The following LNPK variants were observed in gnomAD, a reference collection of about 807,000 sequenced individuals.
LNPK encodes endoplasmic reticulum junction formation protein lunapark.
Under a neutral mutation model 55.2 loss-of-function variants are expected in LNPK, and 29 were observed. The observed-to-expected ratio is 0.53, with a 90% CI of 0.39 to 0.72. The LOEUF (loss-of-function observed/expected upper bound fraction) is 0.72. Ranked by LOEUF, LNPK falls within the 30% of genes least tolerant of loss-of-function variation. The probability of loss-of-function intolerance (pLI) is 0.00; values close to 1 mark genes in which losing one functional copy is unlikely to be tolerated. For missense variants in LNPK, 467 were observed against 494.8 expected (o/e 0.94, Z 0.53); for synonymous variants, 162 against 168.2 (o/e 0.96, Z 0.29).
At chr2:175,989,440 A>G (rs552989186) in intron 4 of LNPK, among the ~76,000 whole-genome samples, 2 of 152,292 alleles carry the variant, frequency 1.3e-5, no homozygotes, top group East Asian at 3.9e-4. Context: ...AAATGTCTAG[A>G]AAGTTATAAT....
intron 5 of LNPK, among the ~76,000 whole-genome samples, chr2:175,975,004 TTTC>T (rs1306573797): frequency 2.7e-4 from 35 of 128,014 alleles, no homozygotes; most frequent in Admixed American, 4.1e-4. Context: ...TTGAAAAAGG[TTTC>T]TTATTTTTTT....
At chr2:175,943,726 C>T (rs1316818819) in intron 9 of LNPK, among the ~76,000 whole-genome samples, 1 of 151,972 alleles carries the variant, frequency 6.6e-6, no homozygotes, top group Non-Finnish European at 1.5e-5. Flanking sequence ...CAATCTATTA[C>T]TGATTTAAAA....
chr2:175,985,920 T>C (rs1015398747), intron 4 of LNPK, among the ~76,000 whole-genome samples: 1 of 152,212 alleles, frequency 6.6e-6, no homozygotes, highest in East Asian at 1.9e-4. Flanking sequence ...CATATAGATG[T>C]TACCATTGGG....
chr2:175,962,377 C>G (rs1574854467), intron 8 of LNPK, among the ~76,000 whole-genome samples: 1 of 152,116 alleles, frequency 6.6e-6, no homozygotes, highest in South Asian at 2.1e-4. Flanking sequence ...TGGAACAGAA[C>G]AGAGGCCTCA....
chr2:175,933,777 G>A (rs1354008704), intron 12 of LNPK, among the ~76,000 whole-genome samples: 3 of 120,046 alleles, frequency 2.5e-5, no homozygotes, highest in African/African-American at 9.7e-5. Context: ...TGTCACCCAC[G>A]CTGGAGTGCA....
chr2:175,992,352 A>C lies in LNPK; in HGVS notation c.136T>G (p.Leu46Val). Residue 46 changes from leucine (L) to valine (V), a missense_variant, in exon 4 of 13, where the codon TTA becomes GTA. Leu to Val is a conservative substitution (Grantham distance 32). Transcript: ENST00000272748. ...TAGAGAACTGAGGAATACAGAATTA[A>C]TCTTCCAACCCATAATTTTTGTAAT... is the stretch of plus-strand genomic sequence containing the variant. ...QRLQKLWVGR[L>V]ILYSSVLYLF... is the part of the protein sequence containing the mutation. 12 of 1,543,002 alleles carry C rather than the reference A, an allele frequency of 7.8e-6. No individual in the cohort carries two copies. The highest frequency in any genetic ancestry group is 1.0e-5 in the Non-Finnish European group (12 of 1,150,950).
At chr2:175,944,859 T>G (rs1685042288) in intron 9 of LNPK, among the ~76,000 whole-genome samples, 1 of 152,120 alleles carries the variant, frequency 6.6e-6, no homozygotes, top group South Asian at 2.1e-4. Context: ...GGGCAACTGA[T>G]GTCAAAATTA....
intron 10 of LNPK, 112 bp from the exon 11 acceptor site, chr2:175,938,495 A>G (rs533078039): frequency 2.0e-5 from 10 of 509,066 alleles, no homozygotes; most frequent in Admixed American, 1.2e-4. Context: ...TAAATATGCC[A>G]TAACAAATTA....
chr2:176,001,994 G>A (rs560629262), intron 1 of LNPK, among the ~76,000 whole-genome samples, 166 bp downstream of exon 1: 312 of 152,356 alleles, frequency 2.0e-3, no homozygotes, highest in South Asian at 5.8e-3. Context: ...GCGGACCACC[G>A]CGCAGCCTGA....
At chr2:175,935,467 A>G (rs1324225245) in intron 12 of LNPK, among the ~76,000 whole-genome samples, 1 of 152,226 alleles carries the variant, frequency 6.6e-6, no homozygotes, top group Non-Finnish European at 1.5e-5. Flanking sequence ...TTACTAAAGG[A>G]AGCCAGCTTG....
intron 3 of LNPK, 114 bp downstream of exon 3, chr2:175,993,068 C>G: frequency 3.1e-6 from 2 of 641,256 alleles, no homozygotes; most frequent in Non-Finnish European, 5.3e-6. Context: ...CAGACTCACT[C>G]TATATCATTT....
chr2:175,986,389 T>C (rs1454495730), intron 4 of LNPK, among the ~76,000 whole-genome samples: 2 of 151,962 alleles, frequency 1.3e-5, no homozygotes, highest in South Asian at 2.1e-4. Context: ...TTGCCATCCA[T>C]AAATAACTGA....
intron 8 of LNPK, among the ~76,000 whole-genome samples, chr2:175,961,598 A>T (rs1162200133): frequency 6.6e-6 from 1 of 152,240 alleles, no homozygotes; most frequent in Non-Finnish European, 1.5e-5. Context: ...CAAATATCAT[A>T]TTGAATGGGC....
chr2:175,979,101 A>T (rs1687048644), intron 5 of LNPK, among the ~76,000 whole-genome samples: 1 of 152,104 alleles, frequency 6.6e-6, no homozygotes, highest in African/African-American at 2.4e-5. Context: ...TGATATTAAG[A>T]ATTCTTTTCC....
intron 8 of LNPK, 32 bp downstream of exon 8, chr2:175,964,340 A>ACAG: frequency 6.3e-7 from 1 of 1,590,026 alleles, no homozygotes; most frequent in Non-Finnish European, 8.6e-7. Flanking sequence ...GATCTTTCCA[A>ACAG]CAGCAGCAGC....
chr2:175,940,436 A>G (rs1684776222), intron 9 of LNPK, among the ~76,000 whole-genome samples: 1 of 152,062 alleles, frequency 6.6e-6, no homozygotes, highest in Admixed American at 6.6e-5. Context: ...AGGATGGAGG[A>G]AAAAAACTAC....
chr2:175,986,954 A>C (rs4972498), intron 4 of LNPK, among the ~76,000 whole-genome samples: 103,350 of 146,824 alleles, frequency 0.7, 37,172 homozygotes, highest in Admixed American at 0.78. Context: ...GAAAAAAAAT[A>C]AAAAATATCA....
intron 12 of LNPK, among the ~76,000 whole-genome samples, chr2:175,931,542 C>G (rs1214623912): frequency 1.3e-5 from 2 of 152,120 alleles, no homozygotes; most frequent in Non-Finnish European, 2.9e-5. Flanking sequence ...CACCTTCCAC[C>G]TTTTGATATG....
chr2:175,942,091 A>T (rs1684877693), intron 9 of LNPK, among the ~76,000 whole-genome samples: 1 of 152,118 alleles, frequency 6.6e-6, no homozygotes, highest in Non-Finnish European at 1.5e-5. Context: ...GAAGTCCTTC[A>T]GGCAGAAGGA....
Sources: allele counts gnomAD v4.1 joint callset (sites outside exome capture counted in the v4.1 genomes callset), GRCh38; gene constraint gnomAD v4.1.1; transcripts MANE v1.5; gene names NCBI Gene and HGNC (gene_info 2026-07-23, HGNC 2026-07-21).